Variants in MEGF10 observed in about 807,000 individuals in gnomAD.
MEGF10 encodes the protein multiple epidermal growth factor-like domains protein 10.
MEGF10 carries 86 observed loss-of-function variants against 147.5 expected under a neutral mutation model. The observed-to-expected ratio is 0.58, with a 90% CI of 0.49 to 0.70. The LOEUF (loss-of-function observed/expected upper bound fraction) is 0.70, where lower values mean the gene tolerates loss of function less well. MEGF10 is among the 30% of genes least tolerant of loss of function. MEGF10 has a pLI of 0.00. For synonymous variants in MEGF10, 478 were observed against 525.5 expected (o/e 0.91, Z 1.24); for missense variants, 1,329 against 1,487.3 (o/e 0.89, Z 1.75).
chr5:127,295,349 A>G (rs1448461834), intron 1 of MEGF10, among the ~76,000 whole-genome samples: 7 of 152,310 alleles, frequency 4.6e-5, no homozygotes, highest in East Asian at 3.9e-4. Flanking sequence ...CCTCATTTCA[A>G]TAACAGTTGA....
At chr5:127,387,147 T>C (rs963088957) in intron 5 of MEGF10, among the ~76,000 whole-genome samples, 6 of 152,230 alleles carry the variant, frequency 3.9e-5, no homozygotes, top group Admixed American at 2.6e-4. Context: ...TTTTTATCAA[T>C]TGCTTGGTTG....
the MEGF10 span, among the ~76,000 whole-genome samples, chr5:127,283,269 C>T: frequency 6.6e-6 from 1 of 152,128 alleles, no homozygotes; most frequent in South Asian, 2.1e-4. Context: ...TTCATAAGTC[C>T]TCATTATGCA....
chr5:127,376,881 GTAACT>G (rs1763051792), intron 5 of MEGF10, among the ~76,000 whole-genome samples: 1 of 152,192 alleles, frequency 6.6e-6, no homozygotes, highest in Non-Finnish European at 1.5e-5. Flanking sequence ...TTCAGAGCCA[GTAACT>G]TTAATCACCG....
At chr5:127,442,926 G>A in intron 18 of MEGF10, 72 bp from the exon 19 acceptor site, 1 of 1,521,034 alleles carries the variant, frequency 6.6e-7, no homozygotes, top group Non-Finnish European at 8.9e-7. Context: ...AGATGTGCAG[G>A]GCTTGCAGTC....
chr5:127,309,679 C>A (rs1760175030), intron 1 of MEGF10, among the ~76,000 whole-genome samples: 1 of 152,124 alleles, frequency 6.6e-6, no homozygotes, highest in South Asian at 2.1e-4. Context: ...TTGTGTTTAT[C>A]CATTCATTCA....
chr5:127,418,661 G>A (rs1049026822), intron 10 of MEGF10, among the ~76,000 whole-genome samples: 3 of 152,156 alleles, frequency 2.0e-5, no homozygotes, highest in Admixed American at 6.5e-5. Context: ...GTTGCTGAAT[G>A]TGTTCTGTTG....
intron 1 of MEGF10, among the ~76,000 whole-genome samples, chr5:127,303,284 C>T (rs768727136): frequency 2.7e-5 from 4 of 146,002 alleles, no homozygotes; most frequent in Non-Finnish European, 5.9e-5. Context: ...TGCAGTGAGC[C>T]GAGATTGCAC....
the MEGF10 span, among the ~76,000 whole-genome samples, chr5:127,242,535 C>T: frequency 6.6e-6 from 1 of 152,110 alleles, no homozygotes; most frequent in East Asian, 1.9e-4. Flanking sequence ...CTGCTGCTAG[C>T]AGAATGCTCA....
rs534500307 is a variant in MEGF10, at chr5:127,312,226, C to A, written c.-18-19065C>A. On this transcript the variant is annotated intron_variant, in intron 1 of 24. Coordinates refer to ENST00000503335, the MANE Select transcript of MEGF10 (RefSeq NM_001256545.2). ...AGCCCAGGTCCCACTTCTATCTTAA[C>A]TGGCACCAGGAAAAAGTGCCTTCGG... Among the ~76,000 whole-genome samples the A allele has an allele frequency of 5.9e-5, 9 of 152,318 alleles. No homozygotes were observed. In the South Asian group the frequency reaches 1.2e-3, roughly 21 times the overall value.
chr5:127,355,659 T>C (rs568558797), intron 4 of MEGF10, among the ~76,000 whole-genome samples: 1 of 152,310 alleles, frequency 6.6e-6, no homozygotes, highest in African/African-American at 2.4e-5. Context: ...GTTTGGGTCG[T>C]TGGTCTCTGC....
At chr5:127,264,908 A>T in the MEGF10 span, among the ~76,000 whole-genome samples, 23 of 151,268 alleles carry the variant, frequency 1.5e-4, no homozygotes, top group African/African-American at 5.6e-4. Context: ...AGATCATCCC[A>T]TTACCCAGGT....
intron 12 of MEGF10, 45 bp from the exon 13 acceptor site, chr5:127,422,625 T>TTGTTCCTTTGTTCCTTCTG (rs1765056800): frequency 6.0e-6 from 9 of 1,501,004 alleles, no homozygotes; most frequent in Non-Finnish European, 8.4e-6. Flanking sequence ...TGTTGTGGGA[T>TTGTTCCTTTGTTCCTTCTG]TTCCCAGGCC....
intron 8 of MEGF10, among the ~76,000 whole-genome samples, chr5:127,404,537 T>G (rs74566315): frequency 0.01 from 1,598 of 152,198 alleles, 31 homozygotes; most frequent in African/African-American, 0.037. Flanking sequence ...TACAGAAAAT[T>G]TTTAACATGA....
chr5:127,408,441 A>C (rs184435573), intron 8 of MEGF10, among the ~76,000 whole-genome samples: 1 of 152,318 alleles, frequency 6.6e-6, no homozygotes, highest in East Asian at 1.9e-4. Context: ...TATTGTACTT[A>C]AGCATTTATT....
intron 5 of MEGF10, among the ~76,000 whole-genome samples, chr5:127,371,190 ACTGTGTGTGT>A (rs1189907900): frequency 2.1e-5 from 2 of 93,644 alleles, no homozygotes; most frequent in East Asian, 3.1e-4. Flanking sequence ...AGGGACTGGG[ACTGTGTGTGT>A]GTGTGTGTGT....
intron 5 of MEGF10, among the ~76,000 whole-genome samples, chr5:127,386,097 G>T (rs1261566815): frequency 6.6e-6 from 1 of 152,188 alleles, no homozygotes; most frequent in Non-Finnish European, 1.5e-5. Flanking sequence ...AGCACAGTGA[G>T]AACCTGTCTC....
intron 2 of MEGF10, among the ~76,000 whole-genome samples, chr5:127,332,104 A>G (rs965724368): frequency 1.3e-5 from 2 of 151,974 alleles, no homozygotes; most frequent in Non-Finnish European, 2.9e-5. Flanking sequence ...TAATGTCTAG[A>G]TATGAGCAAT....
chr5:127,433,481 A>G lies in MEGF10; in HGVS notation c.1812A>G (p.Pro604=), dbSNP rs375308597. Residue 604 remains proline, a synonymous_variant, in exon 14 of 25, where the codon CCA becomes CCG. Coordinates refer to ENST00000503335, the MANE Select transcript of MEGF10 (RefSeq NM_001256545.2). ...ATGATGGCATCTGCGAGTGTGCACCAGGCTTCCGAGGCACCACTTGTCAGA... is the reference window on the plus strand; with the variant it reads ...ATGATGGCATCTGCGAGTGTGCACCGGGCTTCCGAGGCACCACTTGTCAGA... The part of the protein sequence containing the change: ...SPDDGICECA[P]GFRGTTCQRI... 70 of 1,610,790 alleles carry G rather than the reference A, an allele frequency of 4.3e-5. No homozygotes were observed. The highest frequency in any genetic ancestry group is 5.9e-5 in the Non-Finnish European group (69 of 1,178,468).
intron 21 of MEGF10, 131 bp from the exon 22 acceptor site, chr5:127,448,968 G>A (rs1766052036): frequency 4.2e-6 from 5 of 1,176,710 alleles, no homozygotes; most frequent in Admixed American, 2.6e-5. Context: ...CAGTCACCTC[G>A]GCCCCTGAGC....
Sources: gnomAD v4.1 joint callset for allele counts (sites outside exome capture counted in the v4.1 genomes callset) on GRCh38, gnomAD v4.1.1 for gene constraint, MANE v1.5 for transcripts, NCBI Gene and HGNC (gene_info 2026-07-23, HGNC 2026-07-21) for gene names.